RPS6KA2: variants seen among roughly 807,000 people sequenced by gnomAD.
RPS6KA2 encodes ribosomal protein S6 kinase A2.
Under a neutral mutation model 91.8 loss-of-function variants are expected in RPS6KA2, and 42 were observed. The ratio of observed to expected loss-of-function variants is 0.46; its 90% confidence interval spans 0.36 to 0.59. The LOEUF (loss-of-function observed/expected upper bound fraction) is 0.59. RPS6KA2 is among the 20% of genes least tolerant of loss of function. The probability of loss-of-function intolerance (pLI) is 0.00; values close to 1 mark genes in which losing one functional copy is unlikely to be tolerated. For synonymous variants in RPS6KA2, 414 were observed against 393.6 expected, an observed-to-expected ratio of 1.05 and a Z score of -0.61; for missense variants, 798 against 978.5, an observed-to-expected ratio of 0.82 and a Z score of 2.46.
chr6:166,652,463 G>A (rs564461715), intron 2 of RPS6KA2, among the ~76,000 whole-genome samples: 2 of 151,972 alleles, frequency 1.3e-5, no homozygotes, highest in South Asian at 2.1e-4. Context: ...TATTCTCTTC[G>A]GGGAACTTAG....
intron 2 of RPS6KA2, among the ~76,000 whole-genome samples, chr6:166,791,642 G>C (rs1779093416): frequency 6.6e-6 from 1 of 152,050 alleles, no homozygotes; most frequent in African/African-American, 2.4e-5. Context: ...AAATGTAAAA[G>C]AACAGAAATT....
intron 12 of RPS6KA2, 86 bp from the exon 13 acceptor site, chr6:166,451,319 G>A: frequency 6.8e-7 from 1 of 1,467,618 alleles, no homozygotes; most frequent in Non-Finnish European, 9.4e-7. Context: ...CATGTGGTAT[G>A]TGTGTGCAAG....
intron 3 of RPS6KA2, among the ~76,000 whole-genome samples, chr6:166,514,165 G>T (rs536869000): frequency 6.6e-6 from 1 of 152,128 alleles, no homozygotes; most frequent in Non-Finnish European, 1.5e-5. Flanking sequence ...AATTCTTGCC[G>T]CTTGGCCTCA....
intron 2 of RPS6KA2, among the ~76,000 whole-genome samples, chr6:166,851,206 C>A (rs1780732136): frequency 6.6e-6 from 1 of 152,146 alleles, no homozygotes; most frequent in Non-Finnish European, 1.5e-5. Context: ...TATTTCACAG[C>A]CAGTCCTCTG....
chr6:166,791,913 A>G (rs1779100432), intron 2 of RPS6KA2, among the ~76,000 whole-genome samples: 1 of 152,048 alleles, frequency 6.6e-6, no homozygotes, highest in Non-Finnish European at 1.5e-5. Flanking sequence ...AGAGAAAGCA[A>G]GAAAGATCTA....
upstream of RPS6KA2, chr6:166,862,630 T>C (rs369534137): frequency 6.9e-5 from 12 of 175,172 alleles, no homozygotes; most frequent in East Asian, 1.2e-3. Flanking sequence ...TAATTGGCTC[T>C]AAACGAGGGT....
At chr6:166,757,685 G>C in intron 2 of RPS6KA2, 1 of 443,108 alleles carries the variant, frequency 2.3e-6, no homozygotes, top group Non-Finnish European at 4.5e-6. Context: ...GCCCGTCCTC[G>C]TCACCAGGCA....
At chr6:166,586,123 A>G in intron 1 of RPS6KA2, 1 of 1,447,130 alleles carries the variant, frequency 6.9e-7, no homozygotes, top group South Asian at 1.2e-5. Context: ...CATTTCTATC[A>G]GTAGTAACCG....
intron 2 of RPS6KA2, among the ~76,000 whole-genome samples, chr6:166,834,887 A>G (rs1186624236): frequency 6.6e-6 from 1 of 151,914 alleles, no homozygotes; most frequent in Admixed American, 6.6e-5. Flanking sequence ...CTTTTGTGCC[A>G]TATCTAGAAA....
rs1583274354 is a variant in RPS6KA2, at chr6:166,554,030, G to A, written c.100-15246C>T. ...CACCTACAGGCTACCCCGAGGCAGTGGCTGGAAACTGCACCAAACCCTGTG... is the reference window on the plus strand; with the variant it reads ...CACCTACAGGCTACCCCGAGGCAGTAGCTGGAAACTGCACCAAACCCTGTG... On this transcript the variant is annotated intron_variant, in intron 1 of 20. Transcript: ENST00000265678. This position sits in a 1 kb window ranked among gnomAD's most constrained non-coding sequence, Gnocchi z 4.3. Among the ~76,000 whole-genome samples the A allele has an allele frequency of 6.6e-6, 1 of 152,166 alleles. No homozygotes were observed. The highest frequency in any genetic ancestry group is 1.5e-5 in the Non-Finnish European group (1 of 68,030).
Position 166,675,346 on chromosome 6 carries a change from C to T in RPS6KA2, c.124-136562G>A, listed in dbSNP as rs1044054306. ...CCCTGCTCCTTCAGTCCCACTTTCT[C>T]TCCCTCTCCCCCAGCCCAACCTGCC... On this transcript the variant is annotated intron_variant, in intron 2 of 21. Coordinates refer to the RPS6KA2 transcript ENST00000503859. Among the ~76,000 whole-genome samples the T allele has an allele frequency of 2.6e-5, 4 of 152,226 alleles. No homozygotes were observed. The South Asian group carries it at 8.3e-4, about 32-fold the overall frequency.
Position 166,818,414 on chromosome 6 carries a change from G to A in RPS6KA2, c.123+39786C>T, listed in dbSNP as rs529729003. Among the ~76,000 whole-genome samples the A allele has an allele frequency of 4.6e-5, 7 of 152,278 alleles. No individual in the cohort carries two copies. In the South Asian group the frequency reaches 6.2e-4, roughly 14 times the overall value. ...CAGATTAAAGCCTTTTGACAAGAAAGCTGCATCGCTGTTGCCAAGCAGTCT... is the reference window on the plus strand; with the variant it reads ...CAGATTAAAGCCTTTTGACAAGAAAACTGCATCGCTGTTGCCAAGCAGTCT... On this transcript the variant is annotated intron_variant, in intron 2 of 21. Transcript: ENST00000503859.
chr6:166,680,643 ACACT>A (rs1380552214), intron 2 of RPS6KA2, among the ~76,000 whole-genome samples: 1 of 152,216 alleles, frequency 6.6e-6, no homozygotes, highest in Non-Finnish European at 1.5e-5. Flanking sequence ...ATGAACTGTA[ACACT>A]CACTGTGAAG....
At chr6:166,569,664 C>T (rs1784624139) in intron 1 of RPS6KA2, among the ~76,000 whole-genome samples, 1 of 152,226 alleles carries the variant, frequency 6.6e-6, no homozygotes, top group South Asian at 2.1e-4. Context: ...GCACGGACCA[C>T]AGACAAGGTC....
chr6:166,673,353 T>C (rs1452848930), intron 2 of RPS6KA2, among the ~76,000 whole-genome samples: 3 of 152,170 alleles, frequency 2.0e-5, no homozygotes, highest in African/African-American at 7.2e-5. Context: ...AGAGCTGTCA[T>C]TCCAACTGCA....
chr6:166,459,488 A>T lies in RPS6KA2; in HGVS notation c.1036T>A (p.Phe346Ile). The stretch of plus-strand genomic sequence containing the variant: ...GCTGTGAACTCGGGGTCAAAGTGGA[A>T]GGTGTCCTCAGGCCTGCCCACTGCT... Reference protein sequence around the residue: ...KPAVGRPEDTFHFDPEFTART... With the variant: ...KPAVGRPEDTIHFDPEFTART... The change falls in exon 12 of 21, where the codon TTC (phenylalanine) becomes ATC (isoleucine). Residue 346 changes from phenylalanine to isoleucine, a missense_variant. By Grantham distance (21) the Phe-to-Ile change is conservative. Transcript: ENST00000265678. This position sits in a 1 kb window ranked among gnomAD's most constrained non-coding sequence, Gnocchi z 4.9. 1 of 1,614,120 alleles carries T rather than the reference A, an allele frequency of 6.2e-7. No homozygotes were observed. Among genetic ancestry groups the T allele is most frequent in the Non-Finnish European group, 8.5e-7 (1 of 1,180,000 alleles).
chr6:166,817,253 G>C (rs1010748367), intron 2 of RPS6KA2, among the ~76,000 whole-genome samples: 2 of 152,108 alleles, frequency 1.3e-5, no homozygotes, highest in African/African-American at 4.8e-5. Flanking sequence ...GTTACCAGGG[G>C]ACAGTGATAT....
upstream of RPS6KA2, chr6:166,627,367 A>G: frequency 3.3e-6 from 1 of 306,050 alleles, no homozygotes; most frequent in Non-Finnish European, 4.5e-6. Flanking sequence ...CCGCCCCGCC[A>G]CTACGGCCAA....
At chr6:166,851,187 T>C (rs1316908731) in intron 2 of RPS6KA2, among the ~76,000 whole-genome samples, 2 of 151,366 alleles carry the variant, frequency 1.3e-5, no homozygotes, top group Non-Finnish European at 2.9e-5. Flanking sequence ...ACATCAAGAG[T>C]TGGGTTGTTA....
Sources: gnomAD v4.1 joint callset for allele counts (sites outside exome capture counted in the v4.1 genomes callset) on GRCh38, gnomAD v4.1.1 for gene constraint, Gnocchi (gnomAD v3.1) non-coding constraint, MANE v1.5 for transcripts, NCBI Gene and HGNC (gene_info 2026-07-23, HGNC 2026-07-21) for gene names.